The following LRRTM3 variants were observed in gnomAD, a reference collection of about 807,000 sequenced individuals.
LRRTM3 encodes the protein leucine rich repeat transmembrane neuronal 3.
A neutral mutation model predicts 44.7 loss-of-function variants in LRRTM3; 24 were observed. The observed-to-expected ratio is 0.54, with a 90% CI of 0.39 to 0.76. The LOEUF is 0.76. LRRTM3 is among the 30% of genes least tolerant of loss of function. LRRTM3 has a pLI of 0.00. For missense variants in LRRTM3, 587 were observed against 702.2 expected (o/e 0.84, Z 1.85); for synonymous variants, 277 against 278.7 (o/e 0.99, Z 0.06).
chr10:67,060,137 G>A (rs1463680946), intron 2 of LRRTM3, among the ~76,000 whole-genome samples: 3 of 151,958 alleles, frequency 2.0e-5, no homozygotes, highest in South Asian at 2.1e-4. Flanking sequence ...GCAACATGGC[G>A]AAACCCCATC....
chr10:66,926,645 G>A, intron 1 of LRRTM3, 58 bp downstream of exon 1: 2 of 1,573,004 alleles, frequency 1.3e-6, no homozygotes, highest in Non-Finnish European at 1.7e-6. Context: ...AAAACCTCTA[G>A]TGTGTGTAAT....
intron 2 of LRRTM3, among the ~76,000 whole-genome samples, chr10:67,065,637 A>G (rs919799178): frequency 6.6e-6 from 1 of 152,044 alleles, no homozygotes; most frequent in Admixed American, 6.6e-5. Flanking sequence ...TTAGCCAATA[A>G]AATTCTCCAG....
chr10:66,947,256 T>C (rs542384541), intron 2 of LRRTM3, among the ~76,000 whole-genome samples: 2 of 152,312 alleles, frequency 1.3e-5, no homozygotes, highest in South Asian at 4.1e-4. Context: ...CTCTGATTAC[T>C]CTCTAATGGG....
At chr10:67,089,139 G>T (rs1317354069) in intron 2 of LRRTM3, among the ~76,000 whole-genome samples, 1 of 151,764 alleles carries the variant, frequency 6.6e-6, no homozygotes, top group Non-Finnish European at 1.5e-5. Context: ...TTTTGCTATC[G>T]GGAGTCCTAG....
chr10:67,017,748 T>A (rs1852746453), intron 2 of LRRTM3, among the ~76,000 whole-genome samples: 1 of 150,524 alleles, frequency 6.6e-6, no homozygotes, highest in African/African-American at 2.5e-5. Flanking sequence ...TGTGTGTGTG[T>A]GTGTGCGCGC....
At chr10:67,052,722 C>T (rs1298066821) in intron 2 of LRRTM3, 1 of 152,082 alleles carries the variant, frequency 6.6e-6, no homozygotes, top group Non-Finnish European at 1.5e-5. Context: ...CATAATGGTA[C>T]ATCCTGCCAG....
chr10:66,931,192 T>TA (rs3056552), intron 2 of LRRTM3, among the ~76,000 whole-genome samples: 7,655 of 118,640 alleles, frequency 0.065, 624 homozygotes, highest in African/African-American at 0.18. Context: ...TGACAACAGT[T>TA]AAAAAAAAAA....
At chr10:67,004,145 G>A (rs1352195396) in intron 2 of LRRTM3, among the ~76,000 whole-genome samples, 1 of 151,650 alleles carries the variant, frequency 6.6e-6, no homozygotes, top group East Asian at 1.9e-4. Context: ...CTGTGTATCA[G>A]CCATGTATTT....
chr10:67,007,296 T>C (rs1263876764), intron 2 of LRRTM3, among the ~76,000 whole-genome samples: 2 of 152,182 alleles, frequency 1.3e-5, no homozygotes, highest in African/African-American at 2.4e-5. Context: ...TTGGCTCTTT[T>C]TCCTCTCCCA....
At chr10:66,939,964 C>T (rs115744652) in intron 2 of LRRTM3, among the ~76,000 whole-genome samples, 1,910 of 152,180 alleles carry the variant, frequency 0.013, 43 homozygotes, top group African/African-American at 0.043. Flanking sequence ...TACCCCTATA[C>T]GCATCTTGCT....
intron 2 of LRRTM3, among the ~76,000 whole-genome samples, chr10:67,041,765 T>C (rs773771388): frequency 6.6e-6 from 1 of 152,116 alleles, no homozygotes; most frequent in Non-Finnish European, 1.5e-5. Flanking sequence ...AATAAGATAA[T>C]ATTCTATCCT....
At chr10:66,926,634 A>G in intron 1 of LRRTM3, 47 bp downstream of exon 1, 1 of 1,597,820 alleles carries the variant, frequency 6.3e-7, no homozygotes, top group Non-Finnish European at 8.6e-7. Flanking sequence ...ACAAAAAACA[A>G]AAAACCTCTA....
chr10:67,096,662 G>A (rs1344898149), intron 2 of LRRTM3, among the ~76,000 whole-genome samples: 2 of 151,818 alleles, frequency 1.3e-5, no homozygotes, highest in Non-Finnish European at 2.9e-5. Flanking sequence ...TTTGATATCT[G>A]ATTATATTTC....
chr10:67,018,509 A>C (rs28710180), intron 2 of LRRTM3, among the ~76,000 whole-genome samples: 2,766 of 152,306 alleles, frequency 0.018, 86 homozygotes, highest in African/African-American at 0.062. Context: ...CATGTTTGGG[A>C]ACAAATACAG....
At chr10:67,067,220 T>C (rs1856146592) in intron 2 of LRRTM3, among the ~76,000 whole-genome samples, 2 of 152,168 alleles carry the variant, frequency 1.3e-5, no homozygotes, top group African/African-American at 4.8e-5. Flanking sequence ...TGAAACAATT[T>C]TTAAGTATGT....
chr10:66,950,602 T>G, intron 2 of LRRTM3, among the ~76,000 whole-genome samples: 1 of 152,124 alleles, frequency 6.6e-6, no homozygotes, highest in Admixed American at 6.5e-5. Context: ...ATATTTTTAA[T>G]AAATGTTTAC....
chr10:66,981,146 C>T (rs2132880319), intron 2 of LRRTM3, among the ~76,000 whole-genome samples: 1 of 152,274 alleles, frequency 6.6e-6, no homozygotes. Context: ...TCATGTGATC[C>T]ACCTACCTTG....
In LRRTM3 at chr10:67,079,858, AACACACACACACACACACAC is replaced by A. The variant is rs199928311; in HGVS notation, c.1537-17697_1537-17678del. Among the ~76,000 whole-genome samples, 226 of 141,352 alleles carry A rather than the reference AACACACACACACACACACAC, an allele frequency of 1.6e-3. 2 individuals carry two copies. The highest frequency in any genetic ancestry group is 7.0e-3 in the Middle Eastern group (2 of 284). The allele number at this position is 141,352 out of a possible 152,430, so 92.7% of individuals were successfully genotyped here. A position where few individuals can be genotyped will look rare whatever the true frequency, so the allele number is the denominator to read the frequency against. On this transcript the variant is annotated intron_variant, in intron 2 of 2. Coordinates refer to ENST00000361320, the MANE Select transcript of LRRTM3 (RefSeq NM_178011.5). The stretch of plus-strand genomic sequence containing the variant: ...GCGAGACTCCATCTCAAAAAAACAA[AACACACACACACACACACAC>A]ACACACACACACACACACACACACA...
intron 2 of LRRTM3, among the ~76,000 whole-genome samples, chr10:67,005,984 C>T (rs1241208137): frequency 1.3e-5 from 2 of 152,004 alleles, no homozygotes; most frequent in African/African-American, 4.8e-5. Flanking sequence ...TCGCACCCAA[C>T]CTACTCCATG....
Sources: allele counts gnomAD v4.1 joint callset (sites outside exome capture counted in the v4.1 genomes callset), GRCh38; gene constraint gnomAD v4.1.1; transcripts MANE v1.5; gene names NCBI Gene and HGNC (gene_info 2026-07-23, HGNC 2026-07-21).